The following DNM3 variants were observed in gnomAD, a reference collection of about 807,000 sequenced individuals.
DNM3 encodes dynamin-3.
A neutral mutation model predicts 101.6 loss-of-function variants in DNM3; 47 were observed. The ratio of observed to expected loss-of-function variants is 0.46; its 90% CI spans 0.37 to 0.59. The LOEUF (loss-of-function observed/expected upper bound fraction) is 0.59. Ranked by LOEUF, DNM3 falls within the 20% of genes least tolerant of loss-of-function variation. DNM3 has a pLI of 0.00. For missense variants in DNM3, 849 were observed against 1,085.7 expected, an observed-to-expected ratio of 0.78 and a Z score of 3.06; for synonymous variants, 385 against 387.9, an observed-to-expected ratio of 0.99 and a Z score of 0.09.
At chr1:171,933,756 G>A (rs2041209507) in intron 2 of DNM3, among the ~76,000 whole-genome samples, 1 of 152,102 alleles carries the variant, frequency 6.6e-6, no homozygotes, top group Non-Finnish European at 1.5e-5. Flanking sequence ...TGAAAGTGGG[G>A]GCCACTGACT....
intron 13 of DNM3, among the ~76,000 whole-genome samples, chr1:172,105,957 C>T (rs975872653): frequency 1.3e-5 from 2 of 151,890 alleles, no homozygotes; most frequent in African/African-American, 4.8e-5. Flanking sequence ...TTTAAAAATT[C>T]AATTATAATT....
chr1:172,011,712 C>G (rs868254189), intron 4 of DNM3, among the ~76,000 whole-genome samples: 1 of 151,932 alleles, frequency 6.6e-6, no homozygotes, highest in Non-Finnish European at 1.5e-5. Flanking sequence ...TTGCTTAGAG[C>G]CTTTTCAGTC....
At chr1:172,192,537 C>T (rs1441812193) in intron 14 of DNM3, among the ~76,000 whole-genome samples, 1 of 122,208 alleles carries the variant, frequency 8.2e-6, no homozygotes, top group Non-Finnish European at 1.7e-5. Flanking sequence ...TCCCCCCACC[C>T]CACAACAGTC....
chr1:172,263,127 G>GAAACAAA (rs2062729743), intron 15 of DNM3, among the ~76,000 whole-genome samples: 1 of 152,048 alleles, frequency 6.6e-6, no homozygotes, highest in South Asian at 2.1e-4. Flanking sequence ...ATAGATTGTA[G>GAAACAAA]AAACAAAAAA....
At chr1:172,190,245 G>T (rs1382882314) in intron 14 of DNM3, among the ~76,000 whole-genome samples, 1 of 152,020 alleles carries the variant, frequency 6.6e-6, no homozygotes, top group Non-Finnish European at 1.5e-5. Context: ...TCCCACCTAT[G>T]ATTGAGAACA....
intron 1 of DNM3, among the ~76,000 whole-genome samples, chr1:171,904,539 C>G (rs1468621810): frequency 6.6e-6 from 1 of 152,176 alleles, no homozygotes; most frequent in South Asian, 2.1e-4. Flanking sequence ...CTTGGGAGAA[C>G]AACCAAACCC....
intron 4 of DNM3, among the ~76,000 whole-genome samples, chr1:172,010,316 A>G (rs2047022255): frequency 6.6e-6 from 1 of 151,920 alleles, no homozygotes. Flanking sequence ...ACCTTTGTGT[A>G]GATTTCAGTT....
Position 172,387,374 on chromosome 1 carries a change from C to T in DNM3, c.2285+15C>T. 6.2e-7 allele frequency: 1 copy of T among 1,603,202 alleles called. No individual in the cohort carries two copies. Among genetic ancestry groups the T allele is most frequent in the Non-Finnish European group, 8.5e-7 (1 of 1,173,966 alleles). Reference sequence around the variant, plus strand: ...CACTCTCGCAGGTAAGAAGATGGCCCCGGCCGGGTGCGGTGGCTCGCTCCT... The same window carrying T: ...CACTCTCGCAGGTAAGAAGATGGCCTCGGCCGGGTGCGGTGGCTCGCTCCT... On this transcript the variant is annotated intron_variant, in intron 19 of 20. Transcript: ENST00000627582.
chr1:172,307,888 G>T (rs564648709), intron 15 of DNM3, among the ~76,000 whole-genome samples: 25 of 152,180 alleles, frequency 1.6e-4, no homozygotes, highest in African/African-American at 6.0e-4. Flanking sequence ...GGGGGCTGGG[G>T]GAGGGATAGC....
At chr1:172,079,955 G>A (rs2053002952) in intron 11 of DNM3, among the ~76,000 whole-genome samples, 1 of 152,196 alleles carries the variant, frequency 6.6e-6, no homozygotes, top group African/African-American at 2.4e-5. Context: ...AGCAGAGGCT[G>A]CAGAACAGCA....
At chr1:172,235,104 G>A (rs2061488119) in intron 14 of DNM3, among the ~76,000 whole-genome samples, 2 of 152,226 alleles carry the variant, frequency 1.3e-5, no homozygotes, top group East Asian at 1.9e-4. Flanking sequence ...CTACTCATCT[G>A]ACAAAGGGCT....
chr1:172,408,614 A>G lies in DNM3; in HGVS notation c.*773A>G, dbSNP rs2071049518. The G allele has an allele frequency of 1.0e-6, 1 of 984,900 alleles. No homozygotes were observed. The highest frequency in any genetic ancestry group is 4.7e-5 in the South Asian group (1 of 21,280). 61.0% of individuals were successfully genotyped at this position (984,900 alleles called of 1,614,324 possible). ...TCTCTAGAAGTGTTGGGAAAAATAT[A>G]ATTTCTTTCTTTACTTATATTCACC... On this transcript the variant is annotated 3_prime_UTR_variant, in exon 21 of 21. Transcript: ENST00000627582.
intron 20 of DNM3, among the ~76,000 whole-genome samples, chr1:172,396,841 A>G (rs1029597055): frequency 1.3e-5 from 2 of 152,232 alleles, no homozygotes; most frequent in Non-Finnish European, 2.9e-5. Flanking sequence ...TATCTCATCT[A>G]GAATGAGACC....
At chr1:172,369,793 A>G (rs1382148809) in intron 17 of DNM3, among the ~76,000 whole-genome samples, 4 of 151,968 alleles carry the variant, frequency 2.6e-5, no homozygotes, top group African/African-American at 7.2e-5. Flanking sequence ...GAGATGCCAT[A>G]ACAAATTATC....
chr1:172,206,659 G>A (rs1020743229), intron 14 of DNM3, among the ~76,000 whole-genome samples: 4 of 151,954 alleles, frequency 2.6e-5, no homozygotes, highest in Admixed American at 6.6e-5. Context: ...CAGTGCAAAC[G>A]TCAACATAGT....
At chr1:172,240,804 A>G (rs1003817904) in intron 14 of DNM3, among the ~76,000 whole-genome samples, 3 of 152,164 alleles carry the variant, frequency 2.0e-5, no homozygotes, top group African/African-American at 7.2e-5. Context: ...AGCAATCACT[A>G]TTCTAAACTT....
At chr1:172,049,318 T>C (rs900204113) in intron 10 of DNM3, among the ~76,000 whole-genome samples, 1 of 152,254 alleles carries the variant, frequency 6.6e-6, no homozygotes, top group East Asian at 1.9e-4. Flanking sequence ...AGGATGATGA[T>C]GATAATAGTA....
At chr1:172,027,454 G>A (rs544640471) in intron 4 of DNM3, among the ~76,000 whole-genome samples, 12 of 152,100 alleles carry the variant, frequency 7.9e-5, no homozygotes, top group South Asian at 2.1e-4. Flanking sequence ...GGTGGCATGC[G>A]CACATAGTCC....
At chr1:172,220,062 C>T (rs1257307001) in intron 14 of DNM3, among the ~76,000 whole-genome samples, 11 of 152,162 alleles carry the variant, frequency 7.2e-5, no homozygotes, top group Non-Finnish European at 1.6e-4. Flanking sequence ...CTAAATCTCA[C>T]AGGAGGTCTT....
Sources: gnomAD v4.1 joint callset for allele counts (sites outside exome capture counted in the v4.1 genomes callset) on GRCh38, gnomAD v4.1.1 for gene constraint, MANE v1.5 for transcripts, NCBI Gene and HGNC (gene_info 2026-07-23, HGNC 2026-07-21) for gene names.